Variants in TNFRSF21 observed in about 807,000 individuals in gnomAD.
TNFRSF21 encodes the protein TNF receptor superfamily member 21, also known as tumor necrosis factor receptor superfamily member 21.
Under a neutral mutation model 45.6 loss-of-function variants are expected in TNFRSF21, and 19 were observed. That is an observed-to-expected ratio of 0.42 (90% CI 0.29 to 0.61). TNFRSF21 has a LOEUF of 0.61. TNFRSF21 is among the 20% of genes least tolerant of loss of function. The pLI, the probability that TNFRSF21 is intolerant of heterozygous loss-of-function variation, is 0.23. For missense variants in TNFRSF21, 737 were observed against 851.5 expected (o/e 0.87, Z 1.67); for synonymous variants, 314 against 335.5 (o/e 0.94, Z 0.70).
chr6:47,290,392 ATGT>A (rs1318768817), intron 1 of TNFRSF21, among the ~76,000 whole-genome samples: 1 of 152,188 alleles, frequency 6.6e-6, no homozygotes, highest in African/African-American at 2.4e-5. Flanking sequence ...AATAGCAAGT[ATGT>A]GTGGATTTGG....
chr6:47,309,799 GGGA>G lies in TNFRSF21; in HGVS notation c.-291_-289del, dbSNP rs1762993081. The G allele has an allele frequency of 5.6e-6, 2 of 358,452 alleles. No homozygotes were observed. Among genetic ancestry groups the G allele is most frequent in the Non-Finnish European group, 1.0e-5 (2 of 200,036 alleles). 22.2% of individuals were successfully genotyped at this position (358,452 alleles called of 1,614,324 possible). On this transcript the variant is annotated 5_prime_UTR_variant, in exon 1 of 6. Transcript: ENST00000296861. The stretch of plus-strand genomic sequence containing the variant: ...CTCCGACAGCGGCTGAGGAGAACCA[GGGA>G]GGAGGACTGGGCGCGAGAGAGCAAA...
At chr6:47,269,674 C>A (rs771758368) in intron 3 of TNFRSF21, among the ~76,000 whole-genome samples, 4 of 152,166 alleles carry the variant, frequency 2.6e-5, no homozygotes, top group Non-Finnish European at 5.9e-5. Context: ...AACTCTCAAC[C>A]AAGAGATAAT....
intron 3 of TNFRSF21, among the ~76,000 whole-genome samples, chr6:47,258,628 G>A (rs535014518): frequency 1.1e-4 from 16 of 152,026 alleles, no homozygotes; most frequent in Non-Finnish European, 2.1e-4. Context: ...TAGTAGAGAC[G>A]GGGTTTTGCC....
intron 3 of TNFRSF21, among the ~76,000 whole-genome samples, chr6:47,263,307 T>C (rs1762261583): frequency 6.6e-6 from 1 of 152,154 alleles, no homozygotes; most frequent in Non-Finnish European, 1.5e-5. Context: ...CTGTTAAACA[T>C]CTGGGTCTGC....
rs979355455 is a variant in TNFRSF21 at position 47,283,989 on chromosome 6, T to C, written c.1192A>G (p.Met398Val). The C allele has an allele frequency of 6.8e-6, 11 of 1,614,176 alleles. No individual in the cohort carries two copies. The highest frequency in any genetic ancestry group is 5.0e-5 in the Admixed American group (3 of 60,018). Reference protein sequence around the residue: ...IVEKAGLKKSMTPTQNREKWI... With the variant: ...IVEKAGLKKSVTPTQNREKWI... ...TTCTCCCGGTTCTGGGTTGGAGTCA[T>C]GGATTTCTTCAGCCCTGCCTTTTCC... The change falls in exon 3 of 6, where the codon ATG becomes GTG. Residue 398 changes from methionine (M) to valine (V), a missense_variant. Coordinates refer to ENST00000296861, the MANE Select transcript of TNFRSF21 (RefSeq NM_014452.5).
chr6:47,299,086 T>C (rs1402372612), intron 1 of TNFRSF21, among the ~76,000 whole-genome samples: 3 of 152,192 alleles, frequency 2.0e-5, no homozygotes, highest in Non-Finnish European at 2.9e-5. Context: ...TTCAAAGTTA[T>C]CAGAATAGTT....
Position 47,240,575 on chromosome 6 carries a change from G to C in TNFRSF21, c.1510-5677C>G, listed in dbSNP as rs142879118. Among the ~76,000 whole-genome samples the C allele has an allele frequency of 1.6e-3, 237 of 152,300 alleles. 2 individuals are homozygous for C. Among genetic ancestry groups the C allele is most frequent in the African/African-American group, 5.1e-3 (212 of 41,568 alleles). On this transcript the variant is annotated intron_variant, in intron 4 of 5. Transcript: ENST00000296861. Reference sequence around the variant, plus strand: ...TAGTTTCAAAGTTACCCTCTTTGCTGCCATGTCACTTCCCTGTCTGGACCC... The same window carrying C: ...TAGTTTCAAAGTTACCCTCTTTGCTCCCATGTCACTTCCCTGTCTGGACCC...
chr6:47,236,607 C>T (rs544101068), intron 4 of TNFRSF21, among the ~76,000 whole-genome samples: 1 of 152,296 alleles, frequency 6.6e-6, no homozygotes, highest in South Asian at 2.1e-4. Context: ...CCACCCACAC[C>T]CTGCTGCTGC....
At chr6:47,236,508 T>C (rs1041961759) in intron 4 of TNFRSF21, among the ~76,000 whole-genome samples, 4 of 152,232 alleles carry the variant, frequency 2.6e-5, no homozygotes, top group African/African-American at 9.7e-5. Flanking sequence ...TTTTAAGGCC[T>C]GAGAAATTCT....
intron 3 of TNFRSF21, among the ~76,000 whole-genome samples, chr6:47,255,790 C>T (rs185222800): frequency 2.5e-3 from 374 of 152,108 alleles, no homozygotes; most frequent in African/African-American, 8.6e-3. Flanking sequence ...TGAGGTCACG[C>T]TCACCTGCCC....
intron 1 of TNFRSF21, among the ~76,000 whole-genome samples, chr6:47,294,008 C>T (rs145026965): frequency 1.3e-5 from 2 of 152,162 alleles, no homozygotes; most frequent in African/African-American, 4.8e-5. Flanking sequence ...CCCTCAAGGA[C>T]CCAACTCATG....
intron 3 of TNFRSF21, among the ~76,000 whole-genome samples, chr6:47,255,698 G>A (rs1764975859): frequency 6.6e-6 from 1 of 152,076 alleles, no homozygotes; most frequent in Non-Finnish European, 1.5e-5. Flanking sequence ...CCTGACCTCA[G>A]GTGATCTGCC....
chr6:47,301,699 C>T (rs1345401931), intron 1 of TNFRSF21, among the ~76,000 whole-genome samples: 1 of 152,144 alleles, frequency 6.6e-6, no homozygotes, highest in Non-Finnish European at 1.5e-5. Flanking sequence ...CCTCTCTCAC[C>T]ATGTGACACA....
Position 47,232,872 on chromosome 6 carries a change from C to G in TNFRSF21, c.1861G>C (p.Ala621Pro). 6.2e-7 allele frequency: 1 copy of G among 1,614,122 alleles called. No individual in the cohort carries two copies. Among genetic ancestry groups the G allele is most frequent in the Non-Finnish European group, 8.5e-7 (1 of 1,180,030 alleles). The change falls in exon 6 of 6, where the codon GCT (alanine) becomes CCT (proline). Residue 621 changes from alanine (A) to proline (P), a missense_variant. Coordinates refer to ENST00000296861, the MANE Select transcript of TNFRSF21 (RefSeq NM_014452.5). ...AATAGCCGGTCTAGTTTGTCCTCAG[C>G]CTGGGGAATCTCTTCAATCACCCGC... ...ELRVIEEIPQ[A>P]EDKLDRLFEI...
chr6:47,264,831 C>G (rs975417619), intron 3 of TNFRSF21, among the ~76,000 whole-genome samples: 1 of 152,126 alleles, frequency 6.6e-6, no homozygotes, highest in Non-Finnish European at 1.5e-5. Context: ...ACAGTCCAAC[C>G]CCGCTGCTGG....
chr6:47,289,651 C>T (rs926803095), intron 1 of TNFRSF21, among the ~76,000 whole-genome samples: 7 of 152,082 alleles, frequency 4.6e-5, no homozygotes, highest in Admixed American at 2.0e-4. Context: ...CTGAGCACAG[C>T]GGATGCACTG....
At chr6:47,274,149 T>C (rs895177783) in intron 3 of TNFRSF21, among the ~76,000 whole-genome samples, 1 of 152,146 alleles carries the variant, frequency 6.6e-6, no homozygotes, top group Non-Finnish European at 1.5e-5. Context: ...AAAGTTCATA[T>C]GGGACCAAAA....
At chr6:47,295,794 C>T (rs1458808238) in intron 1 of TNFRSF21, among the ~76,000 whole-genome samples, 1 of 79,160 alleles carries the variant, frequency 1.3e-5, no homozygotes, top group Non-Finnish European at 2.4e-5. Flanking sequence ...TCCTACTATC[C>T]TCTCTGATTT....
rs1764916438 is a variant in TNFRSF21, at chr6:47,252,659, A to AATCCAGC, written c.1509+590_1509+596dup. On this transcript the variant is annotated intron_variant, in intron 4 of 5. Coordinates refer to ENST00000296861, the MANE Select transcript of TNFRSF21 (RefSeq NM_014452.5). ...TAATATGTACCAGAGCCAGGATTCA[A>AATCCAGC]ATCCAGCGCTGTCTGGCTCCAAAGC... Among the ~76,000 whole-genome samples the AATCCAGC allele has an allele frequency of 7.2e-5, 11 of 152,354 alleles. No homozygotes were observed. The South Asian group carries it at 2.3e-3, about 32-fold the overall frequency.
Sources: allele counts gnomAD v4.1 joint callset (sites outside exome capture counted in the v4.1 genomes callset), GRCh38; gene constraint gnomAD v4.1.1; transcripts MANE v1.5; gene names NCBI Gene and HGNC (gene_info 2026-07-23, HGNC 2026-07-21).